The following SEMA3A variants were observed in gnomAD, a reference collection of about 807,000 sequenced individuals.
SEMA3A encodes semaphorin-3A.
In SEMA3A, 29 loss-of-function variants were observed where a neutral mutation model predicts 97.9. That is an observed-to-expected ratio of 0.30 (90% confidence interval 0.22 to 0.40). The LOEUF (loss-of-function observed/expected upper bound fraction) is 0.40, where lower values mean the gene tolerates loss of function less well. SEMA3A is among the 10% of genes least tolerant of loss of function. The pLI is 1.00. For missense variants in SEMA3A, 763 were observed against 951.3 expected (o/e 0.80, Z 2.60); for synonymous variants, 321 against 323.7 (o/e 0.99, Z 0.09).
chr7:84,406,484 G>T (rs1024940760), intron 1 of SEMA3A, among the ~76,000 whole-genome samples: 5 of 152,168 alleles, frequency 3.3e-5, no homozygotes, highest in Non-Finnish European at 7.4e-5. Context: ...AGAGGAGCTG[G>T]TAGCATTCCT....
intron 3 of SEMA3A, among the ~76,000 whole-genome samples, chr7:84,261,949 CT>C (rs66809085): frequency 0.079 from 12,013 of 152,052 alleles, 654 homozygotes; most frequent in East Asian, 0.3. Flanking sequence ...ATATTGTTAT[CT>C]TTTTTCTTAG....
chr7:84,111,661 T>C (rs1795278938), intron 3 of SEMA3A, among the ~76,000 whole-genome samples: 1 of 152,198 alleles, frequency 6.6e-6, no homozygotes, highest in African/African-American at 2.4e-5. Context: ...CGAAAGTTTC[T>C]AGTTATGACT....
chr7:84,404,098 G>A (rs1340253833), intron 1 of SEMA3A, among the ~76,000 whole-genome samples: 1 of 152,100 alleles, frequency 6.6e-6, no homozygotes, highest in Non-Finnish European at 1.5e-5. Context: ...ACTACTCCAA[G>A]CTAAAGGAGG....
chr7:84,169,358 G>GA (rs1426046402), intron 1 of SEMA3A, among the ~76,000 whole-genome samples: 2 of 150,668 alleles, frequency 1.3e-5, no homozygotes, highest in African/African-American at 4.8e-5. Context: ...TCACTTATAG[G>GA]ATGTCTAATG....
rs1028119690 is a variant in SEMA3A at position 84,125,488 on chromosome 7, C to T, written c.333+3635G>A. On this transcript the variant is annotated intron_variant, in intron 3 of 16. Transcript: ENST00000265362. ...TGGCCAACATGGCAAAACCCTGTCT[C>T]TACTAAAAATACACAAATTAGCCGG... is the stretch of plus-strand genomic sequence containing the variant. Among the ~76,000 whole-genome samples, 34 of 152,188 alleles carry T rather than the reference C, an allele frequency of 2.2e-4. 1 individual carries two copies. The highest frequency in any genetic ancestry group is 5.0e-4 in the Non-Finnish European group (34 of 68,030).
rs1002218912 is a variant in SEMA3A, at chr7:84,124,613, G to T, written c.333+4510C>A. Among the ~76,000 whole-genome samples, 70 of 152,164 alleles carry T rather than the reference G, an allele frequency of 4.6e-4. 1 individual carries two copies. The highest frequency in any genetic ancestry group is 1.6e-3 in the African/African-American group (68 of 41,532). ...AATCAGGTGTCAAATGAAAGAAAAA[G>T]CCTCTTTCTTCTTAATATTTATTTC... On this transcript the variant is annotated intron_variant, in intron 3 of 16. Coordinates refer to ENST00000265362, the MANE Select transcript of SEMA3A (RefSeq NM_006080.3).
intron 6 of SEMA3A, among the ~76,000 whole-genome samples, 188 bp from the exon 7 acceptor site, chr7:84,014,539 A>C (rs906685080): frequency 2.0e-5 from 3 of 152,176 alleles, no homozygotes; most frequent in African/African-American, 7.2e-5. Context: ...AAAATACCTT[A>C]TATCTCTAGA....
intron 1 of SEMA3A, among the ~76,000 whole-genome samples, chr7:84,438,197 TAGAA>T (rs1257143439): frequency 5.9e-5 from 9 of 152,088 alleles, no homozygotes; most frequent in Non-Finnish European, 1.2e-4. Context: ...TGGCACAAAA[TAGAA>T]AGACCAGAAT....
At chr7:84,431,736 G>T (rs777584508) in intron 1 of SEMA3A, among the ~76,000 whole-genome samples, 3 of 151,868 alleles carry the variant, frequency 2.0e-5, no homozygotes, top group Non-Finnish European at 4.4e-5. Context: ...AAAAGGGTGA[G>T]TTGTGAGATT....
At chr7:84,193,665 G>A (rs1798119785) in intron 1 of SEMA3A, among the ~76,000 whole-genome samples, 1 of 151,796 alleles carries the variant, frequency 6.6e-6, no homozygotes, top group Non-Finnish European at 1.5e-5. Flanking sequence ...AAGCAAATGT[G>A]GAACAAACAT....
chr7:83,962,111 T>A (rs970410303), intron 16 of SEMA3A, among the ~76,000 whole-genome samples: 14 of 152,114 alleles, frequency 9.2e-5, no homozygotes, highest in Non-Finnish European at 1.9e-4. Context: ...AGAGCAAAGA[T>A]ACTTTATACA....
At chr7:84,363,462 T>C (rs1306167352) in intron 2 of SEMA3A, among the ~76,000 whole-genome samples, 2 of 151,978 alleles carry the variant, frequency 1.3e-5, no homozygotes, top group Non-Finnish European at 2.9e-5. Flanking sequence ...ACCCCAGTTC[T>C]TTAAAAACAA....
chr7:84,357,570 A>G (rs1251108113), intron 2 of SEMA3A, among the ~76,000 whole-genome samples: 2 of 152,040 alleles, frequency 1.3e-5, no homozygotes, highest in Non-Finnish European at 2.9e-5. Flanking sequence ...AGTGTTTGCT[A>G]TTGTGAATAG....
intron 1 of SEMA3A, among the ~76,000 whole-genome samples, chr7:84,414,746 G>T (rs570240084): frequency 9.5e-4 from 145 of 151,984 alleles, no homozygotes; most frequent in African/African-American, 3.3e-3. Flanking sequence ...AAAAAAAGGC[G>T]AAATGAACAA....
In SEMA3A at chr7:84,461,769, A is replaced by G. The variant is rs566564635; in HGVS notation, c.-246+30691T>C. ...ATACAGAAAAGAAAAACTAAAGCAC[A>G]TTGAGAAAGTGGATTTGTTTCATGC... On this transcript the variant is annotated intron_variant, in intron 1 of 3. Transcript: ENST00000424555. Among the ~76,000 whole-genome samples the G allele has an allele frequency of 2.0e-5, 3 of 152,334 alleles. No individual in the cohort carries two copies. In the South Asian group the frequency reaches 6.2e-4, roughly 32 times the overall value.
chr7:84,170,731 C>T (rs147061385), intron 1 of SEMA3A, among the ~76,000 whole-genome samples: 1 of 151,950 alleles, frequency 6.6e-6, no homozygotes, highest in African/African-American at 2.4e-5. Flanking sequence ...ACAATTGATC[C>T]TCATGAAAAG....
At chr7:84,235,588 T>A (rs1799219040) in intron 3 of SEMA3A, among the ~76,000 whole-genome samples, 2 of 152,212 alleles carry the variant, frequency 1.3e-5, no homozygotes, top group South Asian at 2.1e-4. Flanking sequence ...TTAATTTTTT[T>A]AAAAAGTAGT....
rs528771093 is a variant in SEMA3A, at chr7:83,974,776, T to C, written c.1717+2356A>G. Among the ~76,000 whole-genome samples the C allele has an allele frequency of 2.6e-5, 4 of 152,146 alleles. No homozygotes were observed. The South Asian group carries it at 8.3e-4, about 32-fold the overall frequency. ...GTATATGGTTTATGTGTAGTCATTA[T>C]CAAAACAAGCAGACAAGGGGAAAAG... On this transcript the variant is annotated intron_variant, in intron 15 of 16. Transcript: ENST00000265362.
In SEMA3A at chr7:84,063,699, C is replaced by G. The variant is rs1292593990; in HGVS notation, c.454-3141G>C. ...GGAAGATGAAATGAATGAAATAAAG[C>G]GAGAAGGGAAGTTTAGAGAAAAAAG... On this transcript the variant is annotated intron_variant, in intron 4 of 16. Transcript: ENST00000265362. Among the ~76,000 whole-genome samples the G allele has an allele frequency of 4.0e-5, 6 of 150,744 alleles. 1 individual carries two copies. In the South Asian group the frequency reaches 1.1e-3, roughly 27 times the overall value.
Sources: gnomAD v4.1 joint callset for allele counts (sites outside exome capture counted in the v4.1 genomes callset) on GRCh38, gnomAD v4.1.1 for gene constraint, MANE v1.5 for transcripts, NCBI Gene and HGNC (gene_info 2026-07-23, HGNC 2026-07-21) for gene names.